The following CELF2 variants were observed in gnomAD, a reference collection of about 807,000 sequenced individuals.
CELF2 encodes CUGBP Elav-like family member 2.
A neutral mutation model predicts 62.6 loss-of-function variants in CELF2; 8 were observed. The observed-to-expected ratio is 0.13, with a 90% CI of 0.07 to 0.23. CELF2 has a LOEUF of 0.23. CELF2 is among the 10% of genes least tolerant of loss of function. The pLI is 1.00. For missense variants in CELF2, 333 were observed against 671.0 expected (o/e 0.50, Z 5.56); for synonymous variants, 258 against 250.0 (o/e 1.03, Z -0.30).
chr10:11,237,502 G>A lies in CELF2; in HGVS notation c.355-11651G>A, dbSNP rs780308922. Among the ~76,000 whole-genome samples the A allele has an allele frequency of 6.6e-6, 1 of 152,290 alleles. No individual in the cohort carries two copies. The highest frequency in any genetic ancestry group is 1.9e-4 in the East Asian group (1 of 5,186). On this transcript the variant is annotated intron_variant, in intron 3 of 12. Transcript: ENST00000633077. This position sits in a 1 kb window ranked among gnomAD's most constrained non-coding sequence, Gnocchi z 4.0. ...GGACAGAGTCGAGCCCTGCAAAGAG[G>A]CTCAGAAGATCCAGGTGAGGAGACT...
At chr10:10,778,310 T>C in the CELF2 span, among the ~76,000 whole-genome samples, 113 of 152,290 alleles carry the variant, frequency 7.4e-4, no homozygotes, top group African/African-American at 2.6e-3. Flanking sequence ...CCTGCATGGA[T>C]GTCCAAGAAA....
chr10:10,554,722 A>G, the CELF2 span, among the ~76,000 whole-genome samples: 1 of 152,094 alleles, frequency 6.6e-6, no homozygotes, highest in African/African-American at 2.4e-5. Flanking sequence ...TCCATCGTCT[A>G]TGTAAATATT....
chr10:11,327,773 T>C (rs1199188927), intron 12 of CELF2, among the ~76,000 whole-genome samples: 2 of 152,252 alleles, frequency 1.3e-5, no homozygotes, highest in African/African-American at 4.8e-5. Flanking sequence ...CCCAGCGTTA[T>C]GCCGCATGCC....
the CELF2 span, among the ~76,000 whole-genome samples, chr10:10,612,937 C>T: frequency 1.3e-5 from 2 of 152,144 alleles, no homozygotes; most frequent in Non-Finnish European, 2.9e-5. Context: ...GACATTTCAA[C>T]CCACGGTTAG....
the CELF2 span, among the ~76,000 whole-genome samples, chr10:10,608,099 G>A: frequency 6.6e-6 from 1 of 152,072 alleles, no homozygotes; most frequent in East Asian, 1.9e-4. Flanking sequence ...TTGTACTCCA[G>A]CCTGGGCAAA....
the CELF2 span, among the ~76,000 whole-genome samples, chr10:10,530,165 A>G: frequency 3.3e-5 from 5 of 152,156 alleles, no homozygotes; most frequent in Non-Finnish European, 5.9e-5. Context: ...TTATTAAGCA[A>G]GTAAAGTGAT....
At chr10:10,629,375 T>C in the CELF2 span, among the ~76,000 whole-genome samples, 4 of 152,188 alleles carry the variant, frequency 2.6e-5, no homozygotes, top group Non-Finnish European at 5.9e-5. Flanking sequence ...TGGAAGAAAA[T>C]TGTGCTCACA....
the CELF2 span, among the ~76,000 whole-genome samples, chr10:10,785,098 C>T: frequency 6.6e-6 from 1 of 152,228 alleles, no homozygotes; most frequent in Non-Finnish European, 1.5e-5. Context: ...GATGAATATG[C>T]ATAAAATTCC....
At position 11,207,964 on chromosome 10, in the gene CELF2, T is replaced by G. The variant is rs150870494; in HGVS notation, c.272-9461T>G. Among the ~76,000 whole-genome samples, 2 of 152,200 alleles carry G rather than the reference T, an allele frequency of 1.3e-5. No homozygotes were observed. The highest frequency in any genetic ancestry group is 4.8e-5 in the African/African-American group (2 of 41,516). On this transcript the variant is annotated intron_variant, in intron 2 of 12. Coordinates refer to ENST00000633077, the MANE Select transcript of CELF2 (RefSeq NM_001326342.2). The surrounding 1 kb of genome is among the most constrained non-coding windows in gnomAD (Gnocchi z 4.1). ...GAGAGGTTTAGGTTATAAAGAGACATTTTAGGTGACATGAACAGAGTGTGA... is the reference window on the plus strand; with the variant it reads ...GAGAGGTTTAGGTTATAAAGAGACAGTTTAGGTGACATGAACAGAGTGTGA...
At chr10:10,779,072 A>G in the CELF2 span, among the ~76,000 whole-genome samples, 8 of 152,220 alleles carry the variant, frequency 5.3e-5, no homozygotes, top group Non-Finnish European at 7.3e-5. Context: ...TGGGCATTTG[A>G]CAAAGTCTGA....
intron 2 of CELF2, among the ~76,000 whole-genome samples, chr10:10,963,511 C>T (rs887026900): frequency 3.3e-5 from 5 of 152,194 alleles, no homozygotes; most frequent in African/African-American, 1.2e-4. Flanking sequence ...CATGTACAAA[C>T]AATCCACATG....
At chr10:11,245,743 T>G (rs1005347278) in intron 3 of CELF2, among the ~76,000 whole-genome samples, 6 of 151,950 alleles carry the variant, frequency 3.9e-5, no homozygotes, top group African/African-American at 1.2e-4. Context: ...CCTACAGGAG[T>G]TGGGGGGAAG....
the CELF2 span, among the ~76,000 whole-genome samples, chr10:10,761,089 T>C: frequency 2.6e-5 from 4 of 152,086 alleles, no homozygotes; most frequent in Admixed American, 2.6e-4. Context: ...GTCATTGTGG[T>C]CAACAATTCC....
chr10:10,957,887 G>T lies in CELF2; in HGVS notation c.89+37888G>T, dbSNP rs931880222. ...TGAGATGATATGAAACTAAGCACTT[G>T]AATCACTTCAGATTGTTTCGAAGAA... On this transcript the variant is annotated intron_variant, in intron 2 of 13. Transcript: ENST00000636488. The surrounding 1 kb of genome is among the most constrained non-coding windows in gnomAD (Gnocchi z 4.1). Among the ~76,000 whole-genome samples, 1 of 152,106 alleles carries T rather than the reference G, an allele frequency of 6.6e-6. No homozygotes were observed. Among genetic ancestry groups the T allele is most frequent in the African/African-American group, 2.4e-5 (1 of 41,412 alleles).
At chr10:10,850,703 T>G (rs2059331450) in intron 1 of CELF2, among the ~76,000 whole-genome samples, 1 of 152,254 alleles carries the variant, frequency 6.6e-6, no homozygotes, top group Non-Finnish European at 1.5e-5. Flanking sequence ...TAAATATTTT[T>G]ATTAATGCTT....
intron 4 of CELF2, among the ~76,000 whole-genome samples, chr10:11,251,165 GGT>G (rs1221948989): frequency 6.6e-6 from 1 of 151,416 alleles, no homozygotes. Flanking sequence ...TATGGAAAAG[GGT>G]TTGTCTCACT....
At chr10:10,548,936 G>T in the CELF2 span, among the ~76,000 whole-genome samples, 3 of 152,102 alleles carry the variant, frequency 2.0e-5, no homozygotes, top group Admixed American at 1.3e-4. Context: ...TCAGTTATCG[G>T]TACCTGTACT....
At chr10:10,512,550 T>C in the CELF2 span, among the ~76,000 whole-genome samples, 1 of 151,952 alleles carries the variant, frequency 6.6e-6, no homozygotes, top group African/African-American at 2.4e-5. Flanking sequence ...CTCCTGAGAT[T>C]ACAGGCATGC....
chr10:10,484,927 C>G, the CELF2 span, among the ~76,000 whole-genome samples: 1 of 152,016 alleles, frequency 6.6e-6, no homozygotes, highest in East Asian at 1.9e-4. Context: ...GAAAATATCC[C>G]TTTTGTTGAA....
Sources: gnomAD v4.1 joint callset for allele counts (sites outside exome capture counted in the v4.1 genomes callset) on GRCh38, gnomAD v4.1.1 for gene constraint, Gnocchi (gnomAD v3.1) non-coding constraint, MANE v1.5 for transcripts, NCBI Gene and HGNC (gene_info 2026-07-23, HGNC 2026-07-21) for gene names.